Variants in ARSB observed in about 807,000 individuals in gnomAD.
ARSB encodes arylsulfatase B.
A neutral mutation model predicts 50.9 loss-of-function variants in ARSB; 41 were observed. The observed-to-expected ratio is 0.81, with a 90% CI of 0.63 to 1.04. The LOEUF (loss-of-function observed/expected upper bound fraction) is 1.04, where lower values mean the gene tolerates loss of function less well. Among genes scored for constraint, ARSB ranks in the 50% least tolerant of loss-of-function variants. The probability of loss-of-function intolerance (pLI) is 0.00; values close to 1 mark genes in which losing one functional copy is unlikely to be tolerated. For synonymous variants in ARSB, 269 were observed against 284.8 expected, an observed-to-expected ratio of 0.94 and a Z score of 0.56; for missense variants, 672 against 693.3, an observed-to-expected ratio of 0.97 and a Z score of 0.35.
chr5:78,857,220 T>C (rs1252517083), intron 5 of ARSB, among the ~76,000 whole-genome samples: 4 of 152,330 alleles, frequency 2.6e-5, no homozygotes, highest in Admixed American at 6.5e-5. Context: ...CTGGGGTAGA[T>C]GTAATTTTAA....
chr5:78,784,006 A>T (rs59164890), intron 6 of ARSB, among the ~76,000 whole-genome samples: 140 of 143,286 alleles, frequency 9.8e-4, no homozygotes, highest in Admixed American at 1.9e-3. Flanking sequence ...GCCTTTTTTT[A>T]AAAAAAATAA....
intron 1 of ARSB, among the ~76,000 whole-genome samples, chr5:78,981,583 C>T (rs1752906553): frequency 6.6e-6 from 1 of 152,134 alleles, no homozygotes; most frequent in Non-Finnish European, 1.5e-5. Flanking sequence ...GACACAAGAG[C>T]CTTAGAGTTA....
intron 1 of ARSB, 97 bp downstream of exon 1, chr5:78,984,840 C>T: frequency 9.6e-7 from 1 of 1,042,860 alleles, no homozygotes. Flanking sequence ...CCGAGCCCCG[C>T]CTGCCAGCGC....
intron 4 of ARSB, among the ~76,000 whole-genome samples, chr5:78,945,697 C>G (rs1316368365): frequency 6.6e-6 from 1 of 152,186 alleles, no homozygotes; most frequent in Admixed American, 6.5e-5. Flanking sequence ...GCTCTCTAGC[C>G]TCACATCTCG....
chr5:78,945,010 T>G (rs1304080788), intron 4 of ARSB, among the ~76,000 whole-genome samples: 1 of 152,162 alleles, frequency 6.6e-6, no homozygotes, highest in Non-Finnish European at 1.5e-5. Context: ...GCTGCCACCT[T>G]GCAGTTTGAT....
intron 6 of ARSB, chr5:78,816,092 C>T (rs1391117942): frequency 6.2e-7 from 1 of 1,614,166 alleles, no homozygotes; most frequent in Non-Finnish European, 8.5e-7. Context: ...GTAGCTACAA[C>T]AGCAGCGAGC....
chr5:78,977,834 A>G (rs1322632093), intron 1 of ARSB, among the ~76,000 whole-genome samples: 1 of 152,154 alleles, frequency 6.6e-6, no homozygotes, highest in African/African-American at 2.4e-5. Context: ...CACACACACA[A>G]TTAGGGCTAA....
At chr5:78,785,190 TTTA>T (rs1749044746) in intron 6 of ARSB, among the ~76,000 whole-genome samples, 1 of 152,214 alleles carries the variant, frequency 6.6e-6, no homozygotes, top group Non-Finnish European at 1.5e-5. Flanking sequence ...TTCTTTTATC[TTTA>T]TTATTTCCCT....
intron 4 of ARSB, among the ~76,000 whole-genome samples, chr5:78,898,244 C>A (rs902989535): frequency 1.3e-5 from 2 of 152,104 alleles, no homozygotes; most frequent in South Asian, 2.1e-4. Flanking sequence ...CCAGCCTGGG[C>A]GACAGAGTGA....
At chr5:78,938,437 T>C (rs1017402892) in intron 4 of ARSB, among the ~76,000 whole-genome samples, 1 of 152,196 alleles carries the variant, frequency 6.6e-6, no homozygotes, top group Non-Finnish European at 1.5e-5. Context: ...GGGTTGTAAT[T>C]TTCCTCTATG....
At chr5:78,827,972 A>G (rs1744507885) in intron 6 of ARSB, among the ~76,000 whole-genome samples, 1 of 151,826 alleles carries the variant, frequency 6.6e-6, no homozygotes. Flanking sequence ...TTATTTTGGG[A>G]TTAAAATAGT....
At chr5:78,922,521 C>A (rs771441786) in intron 4 of ARSB, among the ~76,000 whole-genome samples, 7 of 151,948 alleles carry the variant, frequency 4.6e-5, no homozygotes, top group Non-Finnish European at 8.8e-5. Context: ...CTTAAGAGCC[C>A]TTGGGCTCTG....
In ARSB at chr5:78,777,381, G is replaced by A. The variant is rs1455640265; in HGVS notation, c.*3016C>T. On this transcript the variant is annotated 3_prime_UTR_variant, in exon 8 of 8. Transcript: ENST00000264914. Reference sequence around the variant, plus strand: ...CAGTGGCAGTAATTGCATTTATGATGTTGTATAACCATGACCACTATCTAG... The same window carrying A: ...CAGTGGCAGTAATTGCATTTATGATATTGTATAACCATGACCACTATCTAG... The A allele has an allele frequency of 6.6e-6, 1 of 152,532 alleles. No individual in the cohort carries two copies. Among genetic ancestry groups the A allele is most frequent in the Admixed American group, 6.5e-5 (1 of 15,274 alleles). 9.4% of individuals were successfully genotyped at this position (152,532 alleles called of 1,614,324 possible).
At chr5:78,809,524 C>T (rs10514108) in intron 6 of ARSB, among the ~76,000 whole-genome samples, 34,481 of 152,218 alleles carry the variant, frequency 0.23, 6,262 homozygotes, top group African/African-American at 0.5. Context: ...TCCTGGAGCA[C>T]GTTCAGGGAG....
chr5:78,915,028 G>T (rs1749478721), intron 4 of ARSB, among the ~76,000 whole-genome samples: 2 of 152,130 alleles, frequency 1.3e-5, no homozygotes, highest in Admixed American at 1.3e-4. Context: ...CAGGCAATGG[G>T]CTACTTTCTT....
intron 1 of ARSB, 69 bp downstream of exon 1, chr5:78,984,868 G>C (rs1024679053): frequency 3.3e-6 from 4 of 1,214,424 alleles, no homozygotes; most frequent in Non-Finnish European, 4.1e-6. Flanking sequence ...CTCAAGGGCC[G>C]GGTAGGAGCG....
intron 1 of ARSB, among the ~76,000 whole-genome samples, chr5:78,980,647 A>G (rs1752861181): frequency 6.6e-6 from 1 of 152,168 alleles, no homozygotes; most frequent in African/African-American, 2.4e-5. Context: ...CATACAGAAA[A>G]AAGAGAGAAA....
At chr5:78,782,020 G>A (rs1331646455) in intron 6 of ARSB, 46 bp from the exon 7 acceptor site, 5 of 1,612,916 alleles carry the variant, frequency 3.1e-6, no homozygotes, top group African/African-American at 2.7e-5. Flanking sequence ...TTATTGGAAC[G>A]TGTTGTTATA....
chr5:78,954,252 C>T (rs1751614253), intron 4 of ARSB, among the ~76,000 whole-genome samples: 2 of 152,094 alleles, frequency 1.3e-5, no homozygotes, highest in Non-Finnish European at 2.9e-5. Context: ...AAAGGATCTG[C>T]ATTTTCAGAT....
Sources: gnomAD v4.1 joint callset for allele counts (sites outside exome capture counted in the v4.1 genomes callset) on GRCh38, gnomAD v4.1.1 for gene constraint, MANE v1.5 for transcripts, NCBI Gene and HGNC (gene_info 2026-07-23, HGNC 2026-07-21) for gene names.